The following GCNA variants were observed in gnomAD, a reference collection of about 807,000 sequenced individuals.
GCNA encodes germ cell nuclear acidic peptidase, also known as germ cell nuclear acidic protein.
Under a neutral mutation model 38.8 loss-of-function variants are expected in GCNA, and 3 were observed. The observed-to-expected ratio is 0.08, with a 90% CI of 0.04 to 0.20. The LOEUF is 0.20. GCNA is among the 10% of genes least tolerant of loss of function. The probability of loss-of-function intolerance (pLI) is 1.00; values close to 1 mark genes in which losing one functional copy is unlikely to be tolerated. For synonymous variants in GCNA, 195 were observed against 240.2 expected (o/e 0.81, Z 1.74); for missense variants, 446 against 578.6 (o/e 0.77, Z 2.35).
Position 71,581,251 on chromosome X carries a change from AAGGTGTTTT to A in GCNA, c.59+372_59+380del, listed in dbSNP as rs373376955. 9.8e-3 allele frequency among the ~76,000 whole-genome samples: 1,094 copies of A among 112,133 alleles called. 10 individuals carry two copies. The highest frequency in any genetic ancestry group is 0.034 in the African/African-American group (1,045 of 30,829). On this transcript the variant is annotated intron_variant, in intron 2 of 12. Coordinates refer to ENST00000373696, the MANE Select transcript of GCNA (RefSeq NM_052957.5). ...GTATTTTTCTTCTCCATGATAACAC[AAGGTGTTTT>A]TGTTTTAAATTTTTTTATGGAGATG...
intron 11 of GCNA, 38 bp downstream of exon 11, chrX:71,610,857 T>G: frequency 8.3e-7 from 1 of 1,204,601 alleles, no homozygotes; most frequent in Non-Finnish European, 1.1e-6. Context: ...CACTGTGCTC[T>G]TTCCTTCTGA....
At chrX:71,607,394 G>C (rs777900879) in intron 9 of GCNA, among the ~76,000 whole-genome samples, 3 of 112,011 alleles carry the variant, frequency 2.7e-5, no homozygotes, top group Non-Finnish European at 5.6e-5. Flanking sequence ...GTTAATAAGT[G>C]TTCTGGCAAA....
intron 2 of GCNA, among the ~76,000 whole-genome samples, chrX:71,586,104 T>C (rs2040583795): frequency 9.2e-6 from 1 of 108,585 alleles, no homozygotes; most frequent in Non-Finnish European, 1.9e-5. Context: ...AGATAGCATC[T>C]TGTTTACTTT....
chrX:71,604,290 CAGA>C lies in GCNA; in HGVS notation c.1017_1019del (p.Glu339del), dbSNP rs1239669198. 3 of 1,212,350 alleles carry C rather than the reference CAGA, an allele frequency of 2.5e-6. No individual in the cohort carries two copies. Among genetic ancestry groups the C allele is most frequent in the Non-Finnish European group, 3.3e-6 (3 of 895,664 alleles). On this transcript the variant is annotated inframe_deletion, in exon 8 of 13. Coordinates refer to ENST00000373696, the MANE Select transcript of GCNA (RefSeq NM_052957.5). Reference sequence around the variant, plus strand: ...GATGATTTGGAAGTTCCTGTGCCAGCAGAAGATTTGTGTAATGAAGGCCAAATT... The same window carrying C: ...GATGATTTGGAAGTTCCTGTGCCAGCAGATTTGTGTAATGAAGGCCAAATT...
At chrX:71,600,465 A>T (rs946710060) in intron 7 of GCNA, among the ~76,000 whole-genome samples, 1 of 111,669 alleles carries the variant, frequency 9.0e-6, no homozygotes, top group African/African-American at 3.3e-5. Context: ...ATACCACTTT[A>T]TTATTCTAAT....
At chrX:71,579,255 C>T (rs1340194649) in intron 1 of GCNA, among the ~76,000 whole-genome samples, 1 of 99,494 alleles carries the variant, frequency 1.0e-5, no homozygotes, top group African/African-American at 3.8e-5. Flanking sequence ...AGTAGGGATG[C>T]CAGTGGCAGC....
In GCNA at chrX:71,612,545, T is replaced by C. The variant is rs1345078648; in HGVS notation, c.1941T>C (p.Thr647=). Residue 647 remains threonine, a synonymous_variant, in exon 12 of 13, where the codon ACT becomes ACC. Coordinates refer to ENST00000373696, the MANE Select transcript of GCNA (RefSeq NM_052957.5). ...KINYKVHYEC[T]GCKTRIGCYT... ...ACTACAAGGTCCATTATGAATGTACTGGATGCAAAACGAGGTAAGACTCTT... is the reference window on the plus strand; with the variant it reads ...ACTACAAGGTCCATTATGAATGTACCGGATGCAAAACGAGGTAAGACTCTT... The C allele has an allele frequency of 2.5e-6, 3 of 1,206,663 alleles. No homozygotes were observed.
At chrX:71,612,726 A>C in intron 12 of GCNA, 136 bp from the exon 13 acceptor site, 1 of 1,007,509 alleles carries the variant, frequency 9.9e-7, no homozygotes, top group Non-Finnish European at 1.3e-6. Context: ...CGGCCTGACC[A>C]CTGCTGCCGC....
chrX:71,601,648 G>A (rs1021480501), intron 7 of GCNA, among the ~76,000 whole-genome samples: 1 of 110,191 alleles, frequency 9.1e-6, no homozygotes, highest in Non-Finnish European at 1.9e-5. Context: ...GGGTTCAAGC[G>A]ATTTCTCCTG....
At chrX:71,600,377 A>G (rs923091647) in intron 7 of GCNA, among the ~76,000 whole-genome samples, 1 of 112,445 alleles carries the variant, frequency 8.9e-6, no homozygotes, top group African/African-American at 3.2e-5. Context: ...AAAGAACACC[A>G]AAAGTTTAAC....
At chrX:71,581,248 C>G (rs907787723) in intron 2 of GCNA, among the ~76,000 whole-genome samples, 1 of 111,873 alleles carries the variant, frequency 8.9e-6, no homozygotes, top group Admixed American at 9.5e-5. Flanking sequence ...TCCATGATAA[C>G]ACAAGGTGTT....
chrX:71,604,071 CCGACGACAGCAG>C lies in GCNA; in HGVS notation c.795_806del (p.Ser269_Ser272del). 8.5e-7 allele frequency: 1 copy of C among 1,170,181 alleles called. No individual in the cohort carries two copies. The highest frequency in any genetic ancestry group is 1.8e-5 in the African/African-American group (1 of 54,665). On this transcript the variant is annotated inframe_deletion, in exon 8 of 13. Transcript: ENST00000373696. ...GACAGCAGTGATGATTCGGAAGCTC[CCGACGACAGCAG>C]TGATGATTCGGAAGCTCCCGACGAC...
rs1336435805 is a variant in GCNA at position 71,594,209 on chromosome X, A to G, written c.141-122A>G. On this transcript the variant is annotated intron_variant, in intron 4 of 12. Coordinates refer to ENST00000373696, the MANE Select transcript of GCNA (RefSeq NM_052957.5). ...TTCCTAAGGGCTTAAAGCCCTTAAA[A>G]CCTTTTTGCATTTCAGGAATTCTGA... The G allele has an allele frequency of 6.5e-6, 4 of 612,332 alleles. No individual in the cohort carries two copies. The African/African-American group carries it at 9.2e-5, about 14-fold the overall frequency. 50.5% of individuals were successfully genotyped at this position (612,332 alleles called of 1,213,427 possible). A position where few individuals can be genotyped will look rare whatever the true frequency, so the allele number is the denominator to read the frequency against.
At chrX:71,584,439 G>A (rs965949243) in intron 2 of GCNA, among the ~76,000 whole-genome samples, 2 of 110,853 alleles carry the variant, frequency 1.8e-5, no homozygotes, top group African/African-American at 6.6e-5. Flanking sequence ...TTGTAGAGAT[G>A]TGGTTTCGCC....
intron 6 of GCNA, 58 bp downstream of exon 6, chrX:71,594,837 A>G (rs2040658493): frequency 1.9e-6 from 2 of 1,043,265 alleles, no homozygotes; most frequent in Non-Finnish European, 2.6e-6. Context: ...TTAAGGGGGG[A>G]AAAACCCCAT....
Position 71,583,422 on chromosome X carries a change from G to T in GCNA, c.59+2542G>T, listed in dbSNP as rs186747101. On this transcript the variant is annotated intron_variant, in intron 2 of 12. Coordinates refer to ENST00000373696, the MANE Select transcript of GCNA (RefSeq NM_052957.5). ...GCTGGAACTTACGAGTTTGAGACCA[G>T]CCTGGGCAACATAGCAAGACCTCAT... Among the ~76,000 whole-genome samples the T allele has an allele frequency of 2.1e-3, 234 of 111,134 alleles. 1 individual carries two copies. Among genetic ancestry groups the T allele is most frequent in the African/African-American group, 7.1e-3 (219 of 30,632 alleles).
At chrX:71,597,874 A>T in intron 6 of GCNA, 76 bp from the exon 7 acceptor site, 1 of 796,066 alleles carries the variant, frequency 1.3e-6, no homozygotes, top group Non-Finnish European at 1.8e-6. Context: ...AGATCAGAAA[A>T]GGTGAGAAAT....
At chrX:71,609,489 G>C (rs1261690263) in intron 10 of GCNA, among the ~76,000 whole-genome samples, 1 of 112,049 alleles carries the variant, frequency 8.9e-6, no homozygotes, top group African/African-American at 3.2e-5. Flanking sequence ...TAATGGAAAA[G>C]AGCTGTGTGA....
intron 9 of GCNA, 132 bp downstream of exon 9, chrX:71,605,861 G>T: frequency 2.1e-6 from 1 of 486,302 alleles, no homozygotes; most frequent in Non-Finnish European, 3.3e-6. Flanking sequence ...GGGGGACAAG[G>T]TTTCTGTCCT....
Sources: gnomAD v4.1 joint callset for allele counts (sites outside exome capture counted in the v4.1 genomes callset) on GRCh38, gnomAD v4.1.1 for gene constraint, MANE v1.5 for transcripts, NCBI Gene and HGNC (gene_info 2026-07-23, HGNC 2026-07-21) for gene names.